The following TRNAU1AP variants were observed in gnomAD, a reference collection of about 807,000 sequenced individuals.
TRNAU1AP encodes the protein tRNA selenocysteine 1 associated protein 1.
TRNAU1AP carries 33 observed loss-of-function variants against 43.3 expected under a neutral mutation model. The ratio of observed to expected loss-of-function variants is 0.76; its 90% CI spans 0.58 to 1.02. The LOEUF is 1.02. Among genes scored for constraint, TRNAU1AP ranks in the 50% least tolerant of loss-of-function variants. The probability of loss-of-function intolerance (pLI) is 0.00; values close to 1 mark genes in which losing one functional copy is unlikely to be tolerated. For synonymous variants in TRNAU1AP, 143 were observed against 129.1 expected (o/e 1.11, Z -0.73); for missense variants, 290 against 362.7 (o/e 0.80, Z 1.63).
intron 6 of TRNAU1AP, 52 bp downstream of exon 6, chr1:28,567,465 C>G (rs1381351585): frequency 2.0e-6 from 3 of 1,535,152 alleles, no homozygotes; most frequent in Non-Finnish European, 2.6e-6. Context: ...CCAGACACTC[C>G]TCTTTTGTTT....
intron 5 of TRNAU1AP, among the ~76,000 whole-genome samples, chr1:28,566,777 G>A (rs977745714): frequency 9.0e-5 from 13 of 144,912 alleles, no homozygotes; most frequent in African/African-American, 3.0e-4. Flanking sequence ...AAAAAAAAAA[G>A]AGAGAGAAAA....
At chr1:28,559,546 T>G (rs1362339559) in intron 2 of TRNAU1AP, among the ~76,000 whole-genome samples, 1 of 151,644 alleles carries the variant, frequency 6.6e-6, no homozygotes, top group Non-Finnish European at 1.5e-5. Context: ...GAGAATCGCT[T>G]GAATCTGGGA....
chr1:28,553,225 G>T, intron 1 of TRNAU1AP, 88 bp downstream of exon 1: 1 of 1,359,442 alleles, frequency 7.4e-7, no homozygotes, highest in Non-Finnish European at 9.8e-7. Context: ...AGGGGACTTG[G>T]GATCCCAGAA....
intron 4 of TRNAU1AP, 54 bp from the exon 5 acceptor site, chr1:28,564,649 T>C: frequency 6.3e-7 from 1 of 1,577,898 alleles, no homozygotes; most frequent in Non-Finnish European, 8.6e-7. Context: ...AAAGAGCTTT[T>C]CAGAGCAGAG....
At chr1:28,568,718 A>G (rs1465585635) in intron 6 of TRNAU1AP, among the ~76,000 whole-genome samples, 2 of 152,088 alleles carry the variant, frequency 1.3e-5, no homozygotes, top group Admixed American at 6.6e-5. Context: ...GGCCAAGGAT[A>G]CTGTTAAACA....
rs533962679 is a variant in TRNAU1AP, at chr1:28,560,158, A to G, written c.126-475A>G. Among the ~76,000 whole-genome samples the G allele has an allele frequency of 1.1e-4, 17 of 152,258 alleles. No individual in the cohort carries two copies. In the South Asian group the frequency reaches 3.3e-3, roughly 30 times the overall value. On this transcript the variant is annotated intron_variant, in intron 2 of 8. Coordinates refer to ENST00000373830, the MANE Select transcript of TRNAU1AP (RefSeq NM_017846.5). ...AATCTTGGACTGGCCCAGATGGACA[A>G]TCCTTATATTCAGGCTTGTAAATTA...
Position 28,553,754 on chromosome 1 carries a change from G to A in TRNAU1AP, c.125+17G>A, listed in dbSNP as rs113760616. ...CCTCACTGGGTAAGTCTCATCTCAGGTCTCTCTTAATACATCTCGTTGCAG... is the reference window on the plus strand; with the variant it reads ...CCTCACTGGGTAAGTCTCATCTCAGATCTCTCTTAATACATCTCGTTGCAG... On this transcript the variant is annotated intron_variant, in intron 2 of 8. Coordinates refer to ENST00000373830, the MANE Select transcript of TRNAU1AP (RefSeq NM_017846.5). 48 of 1,607,904 alleles carry A rather than the reference G, an allele frequency of 3.0e-5. No homozygotes were observed. The Middle Eastern group carries it at 5.0e-4, about 17-fold the overall frequency.
At chr1:28,557,928 C>CTCTTG (rs1553121692) in intron 2 of TRNAU1AP, among the ~76,000 whole-genome samples, 2 of 148,592 alleles carry the variant, frequency 1.3e-5, no homozygotes, top group African/African-American at 5.0e-5. Flanking sequence ...GAGGCAGAGT[C>CTCTTG]TCTGTCGCCC....
chr1:28,567,221 A>C, intron 5 of TRNAU1AP, 73 bp from the exon 6 acceptor site: 9 of 1,528,132 alleles, frequency 5.9e-6, no homozygotes, highest in Non-Finnish European at 8.1e-6. Context: ...TCTTATCCTT[A>C]CTTCTTTTTC....
rs765642846 is a variant in TRNAU1AP at position 28,561,387 on chromosome 1, A to G, written c.267A>G (p.Gln89=). ...FKLNYATYGK[Q]PDNSPEYSLF... is the part of the protein sequence containing the mutation. ...TGAACTATGCCACTTACGGGAAACAACCAGATAACAGGTAGGTACAAAGTC... is the reference window on the plus strand; with the variant it reads ...TGAACTATGCCACTTACGGGAAACAGCCAGATAACAGGTAGGTACAAAGTC... Residue 89 remains glutamine (Q), a synonymous_variant, in exon 4 of 9, where the codon CAA becomes CAG. Coordinates refer to ENST00000373830, the MANE Select transcript of TRNAU1AP (RefSeq NM_017846.5). 4.3e-6 allele frequency: 7 copies of G among 1,614,044 alleles called. No homozygotes were observed. In the South Asian group the frequency reaches 7.7e-5, roughly 18 times the overall value.
Position 28,578,359 on chromosome 1 carries a change from C to T in TRNAU1AP, c.*723C>T, listed in dbSNP as rs1665859739. 1 of 177,940 alleles carries T rather than the reference C, an allele frequency of 5.6e-6. No individual in the cohort carries two copies. The highest frequency in any genetic ancestry group is 1.2e-5 in the Non-Finnish European group (1 of 83,534). The allele number at this position is 177,940 out of a possible 1,614,324, so 11.0% of individuals were successfully genotyped here. ...CGTGTTTCCCAAGTAAATGGGGAAA[C>T]TGTCCAACCTTGTCATGTGTTGGGA... On this transcript the variant is annotated 3_prime_UTR_variant, in exon 9 of 9. Coordinates refer to ENST00000373830, the MANE Select transcript of TRNAU1AP (RefSeq NM_017846.5).
chr1:28,558,758 G>A (rs1473332180), intron 2 of TRNAU1AP, among the ~76,000 whole-genome samples: 6 of 151,762 alleles, frequency 4.0e-5, no homozygotes, highest in South Asian at 2.1e-4. Flanking sequence ...GTAGAGATGG[G>A]GTTTCACTGT....
chr1:28,567,483 A>C, intron 6 of TRNAU1AP, 70 bp downstream of exon 6: 1 of 1,505,646 alleles, frequency 6.6e-7, no homozygotes, highest in Non-Finnish European at 8.9e-7. Flanking sequence ...TTTGCTGAGA[A>C]TCAGGGCATC....
intron 2 of TRNAU1AP, among the ~76,000 whole-genome samples, chr1:28,555,592 G>C (rs374509957): frequency 6.6e-6 from 1 of 150,570 alleles, no homozygotes; most frequent in East Asian, 2.0e-4. Flanking sequence ...CCGCCTCCTG[G>C]GTTCACGCCA....
chr1:28,572,730 C>T (rs922014757), intron 8 of TRNAU1AP, among the ~76,000 whole-genome samples: 3 of 151,166 alleles, frequency 2.0e-5, no homozygotes, highest in Non-Finnish European at 2.9e-5. Context: ...GTCAGGAAAT[C>T]GAGACCATCC....
At chr1:28,554,209 A>C (rs1213459302) in intron 2 of TRNAU1AP, among the ~76,000 whole-genome samples, 1 of 145,336 alleles carries the variant, frequency 6.9e-6, no homozygotes, top group East Asian at 1.9e-4. Context: ...AAAAAAAAAA[A>C]AAACAAAAAA....
At chr1:28,568,237 T>G (rs920695821) in intron 6 of TRNAU1AP, among the ~76,000 whole-genome samples, 2 of 152,164 alleles carry the variant, frequency 1.3e-5, no homozygotes, top group Non-Finnish European at 2.9e-5. Context: ...TCATGCTAGG[T>G]AGAAAATCTT....
chr1:28,567,294 GGGTTAT>G lies in TRNAU1AP; in HGVS notation c.416_421del (p.Tyr139_Gly140del), dbSNP rs1665562599. 6.2e-7 allele frequency: 1 copy of G among 1,609,386 alleles called. No homozygotes were observed. Reference sequence around the variant, plus strand: ...TAAATTGTATATTTTTTTCATGCAGGGGTTATGGTTTTGTGAAATTCACAGATGAAC... The same window carrying G: ...TAAATTGTATATTTTTTTCATGCAGGGGTTTTGTGAAATTCACAGATGAAC... On this transcript the variant is annotated inframe_deletion and splice_region_variant, in exon 6 of 9. Transcript: ENST00000373830.
chr1:28,570,243 C>T (rs1665634662), intron 6 of TRNAU1AP, among the ~76,000 whole-genome samples: 1 of 152,026 alleles, frequency 6.6e-6, no homozygotes. Context: ...GCTACCACGT[C>T]TGTCTCTTTT....
Sources: gnomAD v4.1 joint callset for allele counts (sites outside exome capture counted in the v4.1 genomes callset) on GRCh38, gnomAD v4.1.1 for gene constraint, MANE v1.5 for transcripts, NCBI Gene and HGNC (gene_info 2026-07-23, HGNC 2026-07-21) for gene names.